NR4A3: variants seen among roughly 807,000 people sequenced by gnomAD.
The protein encoded by NR4A3 is nuclear receptor subfamily 4 group A member 3, also known as chondrosarcoma, extraskeletal myxoid, fused to EWS.
NR4A3 carries 13 observed loss-of-function variants against 55.6 expected under a neutral mutation model. The observed-to-expected ratio is 0.23, with a 90% confidence interval of 0.15 to 0.37. The LOEUF (loss-of-function observed/expected upper bound fraction) is 0.37, where lower values mean the gene tolerates loss of function less well. Among genes scored for constraint, NR4A3 ranks in the 10% least tolerant of loss-of-function variants. The pLI is 1.00. For synonymous variants in NR4A3, 342 were observed against 357.9 expected, an observed-to-expected ratio of 0.96 and a Z score of 0.50; for missense variants, 646 against 822.8, an observed-to-expected ratio of 0.79 and a Z score of 2.63.
chr9:99,864,071 G>A lies in NR4A3; in HGVS notation c.*204G>A, dbSNP rs1206285702. ...ACTTGCAGAGTATTGTGTTGGGGTT[G>A]TGTTTTATATTTAGGCATTGGGGGA... is the stretch of plus-strand genomic sequence containing the variant. On this transcript the variant is annotated 3_prime_UTR_variant, in exon 8 of 8. Transcript: ENST00000395097. 1.5e-5 allele frequency: 7 copies of A among 458,102 alleles called. No homozygotes were observed. The highest frequency in any genetic ancestry group is 7.6e-5 in the Admixed American group (2 of 26,466). 28.4% of individuals were successfully genotyped at this position (458,102 alleles called of 1,614,324 possible).
intron 5 of NR4A3, among the ~76,000 whole-genome samples, chr9:99,839,402 T>C (rs1199902371): frequency 2.6e-5 from 4 of 152,224 alleles, no homozygotes; most frequent in East Asian, 3.8e-4. Context: ...GAAAGTGAGA[T>C]AGAGTAAATA....
chr9:99,828,275 A>G lies in NR4A3; in HGVS notation c.233A>G (p.Gln78Arg). Residue 78 changes from glutamine (Q) to arginine (R), a missense_variant, in exon 3 of 8, where the codon CAA becomes CGA. By Grantham distance (43) the Gln-to-Arg change is conservative (BLOSUM62 1). Around this residue, in one of 5 missense-constraint regions of NR4A3, gnomAD observed 426 missense variants for 429.4 expected, o/e 0.99. Transcript: ENST00000395097. This position sits in a 1 kb window ranked among gnomAD's most constrained non-coding sequence, Gnocchi z 7.7. ...GAACTCAAGCCTTCCTGCGTGTACC[A>G]AATGCAGCGGCCCTTGATCAAAGTG... ...NYELKPSCVY[Q>R]MQRPLIKVEE... 1 of 1,613,942 alleles carries G rather than the reference A, an allele frequency of 6.2e-7. No homozygotes were observed.
intron 2 of NR4A3, 51 bp from the exon 3 acceptor site, chr9:99,827,990 G>C: frequency 6.4e-7 from 1 of 1,562,612 alleles, no homozygotes; most frequent in Non-Finnish European, 8.7e-7. Flanking sequence ...CTGTTGGCTA[G>C]AAAACAAGTG....
At chr9:99,839,753 T>C (rs930319299) in intron 5 of NR4A3, among the ~76,000 whole-genome samples, 1 of 152,172 alleles carries the variant, frequency 6.6e-6, no homozygotes, top group Non-Finnish European at 1.5e-5. Context: ...GGAAAAAAAT[T>C]AGTATAAACA....
At position 99,865,791 on chromosome 9, in the gene NR4A3, ATTATG is replaced by A. The variant is rs1828087318; in HGVS notation, c.*1931_*1935del. ...TTTCCAAGAGTCATTCTAATATTTG[ATTATG>A]TTATGTGTGCTTTTATGAAAGATTG... On this transcript the variant is annotated 3_prime_UTR_variant, in exon 8 of 8. Transcript: ENST00000395097. This position sits in a 1 kb window ranked among gnomAD's most constrained non-coding sequence, Gnocchi z 4.3. 1 of 209,790 alleles carries A rather than the reference ATTATG, an allele frequency of 4.8e-6. No homozygotes were observed. The highest frequency in any genetic ancestry group is 9.7e-6 in the Non-Finnish European group (1 of 102,956). 13.0% of individuals were successfully genotyped at this position (209,790 alleles called of 1,614,324 possible).
intron 1 of NR4A3, among the ~76,000 whole-genome samples, chr9:99,823,063 C>T (rs2118485646): frequency 6.6e-6 from 1 of 152,298 alleles, no homozygotes; most frequent in Non-Finnish European, 1.5e-5. Flanking sequence ...CGCTGACATG[C>T]CGGTTTACAC....
At position 99,833,431 on chromosome 9, in the gene NR4A3, C is replaced by G; in HGVS notation, c.1231C>G (p.Pro411Ala). 2 of 1,614,030 alleles carry G rather than the reference C, an allele frequency of 1.2e-6. No homozygotes were observed. Among genetic ancestry groups the G allele is most frequent in the Non-Finnish European group, 1.7e-6 (2 of 1,179,910 alleles). Residue 411 changes from proline (P) to alanine (A), a missense_variant, in exon 5 of 8, where the codon CCC becomes GCC. Pro to Ala is a conservative substitution (Grantham distance 27). Transcript: ENST00000395097. Reference protein sequence around the residue: ...ALVRALTDSTPRDLDYSRYCP... With the variant: ...ALVRALTDSTARDLDYSRYCP... The stretch of plus-strand genomic sequence containing the variant: ...TGTCCGAGCTTTAACAGACTCAACA[C>G]CCAGAGATCTTGATTATTCCAGAGT...
chr9:99,834,128 A>G (rs968395185), intron 5 of NR4A3: 10 of 807,540 alleles, frequency 1.2e-5, no homozygotes, highest in African/African-American at 1.8e-5. Flanking sequence ...ATAAATGACG[A>G]TTGGTGTTGT....
In NR4A3 at chr9:99,864,089, T is replaced by G. The variant is rs765264412; in HGVS notation, c.*222T>G. ...TGGGGTTGTGTTTTATATTTAGGCA[T>G]TGGGGGATGGGGTGGGAGGGGGTTA... On this transcript the variant is annotated 3_prime_UTR_variant, in exon 8 of 8. Coordinates refer to ENST00000395097, the MANE Select transcript of NR4A3 (RefSeq NM_006981.4). 8.2e-5 allele frequency: 38 copies of G among 464,566 alleles called. No individual in the cohort carries two copies. The highest frequency in any genetic ancestry group is 1.2e-4 in the Non-Finnish European group (31 of 260,922). 28.8% of individuals were successfully genotyped at this position (464,566 alleles called of 1,614,324 possible).
Position 99,827,288 on chromosome 9 carries a change from GTGTATA to G in NR4A3, c.-2-751_-2-746del, listed in dbSNP as rs766707086. ...TGTGTGTGTGTGTGTGTGTGTGTGT[GTGTATA>G]TATATATATATGGGTGGGTGTTTTG... On this transcript the variant is annotated intron_variant, in intron 2 of 7. Transcript: ENST00000395097. Among the ~76,000 whole-genome samples the G allele has an allele frequency of 9.6e-5, 13 of 135,938 alleles. No homozygotes were observed. In the East Asian group the frequency reaches 3.7e-3, roughly 39 times the overall value. 89.2% of individuals were successfully genotyped at this position (135,938 alleles called of 152,430 possible).
At chr9:99,835,017 G>C (rs551948134) in intron 5 of NR4A3, 1,626 of 723,750 alleles carry the variant, frequency 2.2e-3, no homozygotes, top group Non-Finnish European at 2.5e-3. Flanking sequence ...AAGTGACCTT[G>C]AGCAACTGAT....
chr9:99,851,923 A>G (rs2118138365), intron 7 of NR4A3, among the ~76,000 whole-genome samples: 1 of 152,360 alleles, frequency 6.6e-6, no homozygotes, highest in South Asian at 2.1e-4. Context: ...CCCACTATGT[A>G]CCAAGCATTG....
chr9:99,857,955 C>A (rs1827955710), intron 7 of NR4A3, among the ~76,000 whole-genome samples: 1 of 152,068 alleles, frequency 6.6e-6, no homozygotes, highest in African/African-American at 2.4e-5. Context: ...CTTATATAAT[C>A]ATTTCTCACA....
intron 7 of NR4A3, among the ~76,000 whole-genome samples, chr9:99,852,492 T>C (rs1827866314): frequency 6.6e-6 from 1 of 152,216 alleles, no homozygotes; most frequent in Non-Finnish European, 1.5e-5. Context: ...TAATTCTATG[T>C]GATATTTACC....
At chr9:99,845,921 T>C (rs773231150) in intron 6 of NR4A3, among the ~76,000 whole-genome samples, 15 of 152,292 alleles carry the variant, frequency 9.8e-5, no homozygotes, top group Admixed American at 9.8e-4. Flanking sequence ...GCCAATCTAG[T>C]GTACACCAGA....
chr9:99,864,376 T>C lies in NR4A3; in HGVS notation c.*509T>C. ...ACAAGGCAGAAACTTCCTTTTAATT[T>C]CCTTCTTCCTTTATTTTAACAAATG... On this transcript the variant is annotated 3_prime_UTR_variant, in exon 8 of 8. Transcript: ENST00000395097. 1 of 228,338 alleles carries C rather than the reference T, an allele frequency of 4.4e-6. No homozygotes were observed. The highest frequency in any genetic ancestry group is 2.2e-5 in the African/African-American group (1 of 45,204). 14.1% of individuals were successfully genotyped at this position (228,338 alleles called of 1,614,324 possible). A position where few individuals can be genotyped will look rare whatever the true frequency, so the allele number is the denominator to read the frequency against.
At chr9:99,851,393 A>G (rs1404756542) in intron 7 of NR4A3, among the ~76,000 whole-genome samples, 7 of 152,172 alleles carry the variant, frequency 4.6e-5, no homozygotes, top group Admixed American at 4.6e-4. Flanking sequence ...GGCTATTTAC[A>G]TTACAAAATT....
Position 99,862,549 on chromosome 9 carries a change from C to CAAAAAAAAAAAAAA in NR4A3, c.1634-1050_1634-1037dup, listed in dbSNP as rs59274273. Among the ~76,000 whole-genome samples the CAAAAAAAAAAAAAA allele has an allele frequency of 9.1e-4, 66 of 72,800 alleles. 3 individuals are homozygous for CAAAAAAAAAAAAAA. Among genetic ancestry groups the CAAAAAAAAAAAAAA allele is most frequent in the South Asian group, 1.6e-3 (2 of 1,242 alleles). 47.8% of individuals were successfully genotyped at this position (72,800 alleles called of 152,430 possible). ...TAGGCAACAGAGTAAGACTCTGTCT[C>CAAAAAAAAAAAAAA]AAAAAAAAAAAAAAAAAAAAAAAAA... On this transcript the variant is annotated intron_variant, in intron 7 of 7. Transcript: ENST00000395097.
chr9:99,840,858 A>G (rs193007622), intron 5 of NR4A3, among the ~76,000 whole-genome samples: 1 of 152,330 alleles, frequency 6.6e-6, no homozygotes, highest in Admixed American at 6.5e-5. Flanking sequence ...AGCCTGTGGA[A>G]TTATTAAATA....
Sources: allele counts gnomAD v4.1 joint callset (sites outside exome capture counted in the v4.1 genomes callset), GRCh38; gene constraint gnomAD v4.1.1; regional missense constraint gnomAD v4.1.1; non-coding constraint Gnocchi (gnomAD v3.1); transcripts MANE v1.5; gene names NCBI Gene and HGNC (gene_info 2026-07-23, HGNC 2026-07-21).